Variants in STAG1 observed in about 807,000 individuals in gnomAD.
STAG1 encodes the protein STAG1 cohesin complex component.
Under a neutral mutation model 170.9 loss-of-function variants are expected in STAG1, and 26 were observed. The observed-to-expected ratio is 0.15, with a 90% CI of 0.11 to 0.21. The LOEUF is 0.21. Ranked by LOEUF, STAG1 falls within the 10% of genes least tolerant of loss-of-function variation. STAG1 has a pLI of 1.00. For missense variants in STAG1, 964 were observed against 1,509.5 expected (o/e 0.64, Z 5.99); for synonymous variants, 514 against 497.7 (o/e 1.03, Z -0.44).
intron 1 of STAG1, among the ~76,000 whole-genome samples, chr3:136,641,429 C>T (rs1391745981): frequency 6.6e-6 from 1 of 152,184 alleles, no homozygotes; most frequent in Non-Finnish European, 1.5e-5. Flanking sequence ...CCATAACCAA[C>T]TGATTACAGT....
At position 136,443,185 on chromosome 3, in the gene STAG1, C is replaced by A. The variant is rs971035109; in HGVS notation, c.1546+102G>T. ...TTGTTCTCTTGGCAAAAAGACACAACATGCTTATATATGCTCATTTTTAAG... is the reference window on the plus strand; with the variant it reads ...TTGTTCTCTTGGCAAAAAGACACAAAATGCTTATATATGCTCATTTTTAAG... On this transcript the variant is annotated intron_variant, in intron 15 of 33. Transcript: ENST00000383202. 4.4e-6 allele frequency: 3 copies of A among 683,266 alleles called. No individual in the cohort carries two copies. The Admixed American group carries it at 8.3e-5, about 19-fold the overall frequency. 42.3% of individuals were successfully genotyped at this position (683,266 alleles called of 1,614,324 possible).
At chr3:136,589,430 G>A (rs576450516) in intron 4 of STAG1, among the ~76,000 whole-genome samples, 53 of 152,034 alleles carry the variant, frequency 3.5e-4, no homozygotes, top group African/African-American at 6.0e-4. Context: ...GATTGAACTC[G>A]GAGGCAGAGG....
chr3:136,624,193 G>T, intron 2 of STAG1, among the ~76,000 whole-genome samples: 1 of 151,668 alleles, frequency 6.6e-6, no homozygotes, highest in East Asian at 2.0e-4. Flanking sequence ...CCAACTCCCG[G>T]GTTCACACCA....
At position 136,500,198 on chromosome 3, in the gene STAG1, C is replaced by T. The variant is rs1240871249; in HGVS notation, c.902+25G>A. On this transcript the variant is annotated intron_variant, in intron 9 of 33. Coordinates refer to ENST00000383202, the MANE Select transcript of STAG1 (RefSeq NM_005862.3). ...AATAATTGTTTAAGTGAAAAGCCTT[C>T]AAAATTATTTTTAAAATCTCTTACC... 3.5e-6 allele frequency: 5 copies of T among 1,434,774 alleles called. No individual in the cohort carries two copies. In the Admixed American group the frequency reaches 5.7e-5, roughly 16 times the overall value. 88.9% of individuals were successfully genotyped at this position (1,434,774 alleles called of 1,614,324 possible). A position where few individuals can be genotyped will look rare whatever the true frequency, so the allele number is the denominator to read the frequency against.
At chr3:136,503,337 A>AT (rs1411459150) in intron 7 of STAG1, among the ~76,000 whole-genome samples, 3 of 152,234 alleles carry the variant, frequency 2.0e-5, no homozygotes, top group Admixed American at 6.5e-5. Context: ...TCCATTAAAA[A>AT]TGTACTTTGT....
At chr3:136,573,298 T>G (rs1937335911) in intron 4 of STAG1, among the ~76,000 whole-genome samples, 1 of 151,336 alleles carries the variant, frequency 6.6e-6, no homozygotes, top group Non-Finnish European at 1.5e-5. Flanking sequence ...TGGGCATAGG[T>G]GGGTGGATAA....
intron 6 of STAG1, among the ~76,000 whole-genome samples, chr3:136,536,099 A>G (rs1159121289): frequency 6.6e-6 from 1 of 152,168 alleles, no homozygotes; most frequent in Non-Finnish European, 1.5e-5. Flanking sequence ...TCTAGTAACC[A>G]CTGACATAAA....
chr3:136,420,848 CACG>C (rs1382157005), intron 20 of STAG1, among the ~76,000 whole-genome samples: 2 of 152,338 alleles, frequency 1.3e-5, no homozygotes, highest in African/African-American at 2.4e-5. Flanking sequence ...GATCTCGGCT[CACG>C]ACAACCCCCA....
intron 1 of STAG1, among the ~76,000 whole-genome samples, chr3:136,674,113 A>AG (rs1942055897): frequency 1.6e-5 from 2 of 124,330 alleles, no homozygotes; most frequent in Non-Finnish European, 3.4e-5. Flanking sequence ...AAAAAAAAAA[A>AG]AAAGGGAGGG....
chr3:136,517,609 T>C (rs1934446228), intron 7 of STAG1, among the ~76,000 whole-genome samples: 1 of 152,124 alleles, frequency 6.6e-6, no homozygotes, highest in South Asian at 2.1e-4. Flanking sequence ...AAATCTTACC[T>C]ATTTTTGAAC....
At chr3:136,525,691 G>A (rs562368533) in intron 6 of STAG1, among the ~76,000 whole-genome samples, 1 of 152,082 alleles carries the variant, frequency 6.6e-6, no homozygotes, top group Non-Finnish European at 1.5e-5. Flanking sequence ...TGATGTTAGG[G>A]TGTCAATTTT....
chr3:136,397,455 CT>C (rs34980781), intron 22 of STAG1, among the ~76,000 whole-genome samples: 20 of 149,594 alleles, frequency 1.3e-4, no homozygotes, highest in African/African-American at 3.7e-4. Context: ...TTTTTTCTTT[CT>C]TTTTTTTTTA....
chr3:136,574,134 G>A (rs578245051), intron 4 of STAG1, among the ~76,000 whole-genome samples: 12 of 151,314 alleles, frequency 7.9e-5, no homozygotes, highest in African/African-American at 2.7e-4. Flanking sequence ...CCAGCTACTC[G>A]GGAGGCTGAG....
chr3:136,691,184 C>T (rs933637871), intron 1 of STAG1, among the ~76,000 whole-genome samples: 1 of 151,806 alleles, frequency 6.6e-6, no homozygotes, highest in Non-Finnish European at 1.5e-5. Flanking sequence ...GTCTGTAATC[C>T]CAGCACTTTG....
chr3:136,605,290 A>G (rs1938879346), intron 3 of STAG1, among the ~76,000 whole-genome samples: 1 of 152,108 alleles, frequency 6.6e-6, no homozygotes, highest in Non-Finnish European at 1.5e-5. Flanking sequence ...CCCCAACTTT[A>G]TTTTAAAAAG....
intron 28 of STAG1, among the ~76,000 whole-genome samples, chr3:136,351,960 A>C (rs1011893720): frequency 6.6e-6 from 1 of 152,170 alleles, no homozygotes; most frequent in Non-Finnish European, 1.5e-5. Context: ...CAAATGATAA[A>C]AACAAAGGAA....
At chr3:136,725,610 TTA>T (rs1314608801) in intron 1 of STAG1, among the ~76,000 whole-genome samples, 1 of 152,206 alleles carries the variant, frequency 6.6e-6, no homozygotes, top group African/African-American at 2.4e-5. Flanking sequence ...TGAAGCTGTA[TTA>T]TGTTTTGTTA....
At chr3:136,552,427 C>A (rs1936444134) in intron 5 of STAG1, among the ~76,000 whole-genome samples, 1 of 152,092 alleles carries the variant, frequency 6.6e-6, no homozygotes, top group Non-Finnish European at 1.5e-5. Context: ...AATCCTTTCC[C>A]TCAAATGCTA....
chr3:136,528,421 G>A (rs1184801950), intron 6 of STAG1, among the ~76,000 whole-genome samples: 19 of 150,766 alleles, frequency 1.3e-4, no homozygotes, highest in African/African-American at 4.6e-4. Flanking sequence ...AAGGAAACAG[G>A]AAACATGAAA....
Sources: allele counts gnomAD v4.1 joint callset (sites outside exome capture counted in the v4.1 genomes callset), GRCh38; gene constraint gnomAD v4.1.1; transcripts MANE v1.5; gene names NCBI Gene and HGNC (gene_info 2026-07-23, HGNC 2026-07-21).